The following CLYBL variants were observed in gnomAD, a reference collection of about 807,000 sequenced individuals.
CLYBL encodes citramalyl-CoA lyase.
Under a neutral mutation model 38.9 loss-of-function variants are expected in CLYBL, and 31 were observed. That is an observed-to-expected ratio of 0.80 (90% CI 0.60 to 1.08). The LOEUF is 1.08. CLYBL is among the 50% of genes least tolerant of loss of function. The pLI is 0.00. For missense variants in CLYBL, 434 were observed against 411.6 expected (o/e 1.05, Z -0.47); for synonymous variants, 171 against 158.6 (o/e 1.08, Z -0.59).
At chr13:99,607,585 G>T (rs1187161282) in intron 1 of CLYBL, among the ~76,000 whole-genome samples, 1 of 152,094 alleles carries the variant, frequency 6.6e-6, no homozygotes, top group Non-Finnish European at 1.5e-5. Flanking sequence ...GGTCTCATTT[G>T]GTTCCCTTGA....
At chr13:99,608,294 A>G (rs1171394295) in intron 1 of CLYBL, among the ~76,000 whole-genome samples, 3 of 151,550 alleles carry the variant, frequency 2.0e-5, no homozygotes, top group African/African-American at 7.3e-5. Flanking sequence ...GCTGGTCTGG[A>G]GCTCCTGACC....
intron 2 of CLYBL, among the ~76,000 whole-genome samples, chr13:99,808,893 A>G (rs2050284553): frequency 6.6e-6 from 1 of 152,218 alleles, no homozygotes; most frequent in African/African-American, 2.4e-5. Context: ...CCTATTCTAA[A>G]GTACAGTTGC....
rs1566340104 is a variant in CLYBL, at chr13:99,819,438, ATATATATATATATATATATATATATATAT to A, written c.250-39422_250-39394del. On this transcript the variant is annotated intron_variant, in intron 2 of 8. Transcript: ENST00000339105. ...AATTTATATATATATATATATATAT[ATATATATATATATATATATATATATATAT>A]AATATTTGTCAGGGTTGTCTGGGGG... Among the ~76,000 whole-genome samples, 170 of 104,950 alleles carry A rather than the reference ATATATATATATATATATATATATATATAT, an allele frequency of 1.6e-3. 5 individuals are homozygous for A. Among genetic ancestry groups the A allele is most frequent in the African/African-American group, 5.8e-3 (161 of 27,734 alleles). The allele number at this position is 104,950 out of a possible 152,430, so 68.9% of individuals were successfully genotyped here. A position where few individuals can be genotyped will look rare whatever the true frequency, so the allele number is the denominator to read the frequency against.
chr13:99,889,821 G>A (rs1379699996), intron 7 of CLYBL, among the ~76,000 whole-genome samples: 1 of 152,084 alleles, frequency 6.6e-6, no homozygotes, highest in Non-Finnish European at 1.5e-5. Context: ...CTCCTGTCCC[G>A]GCAGCCCTGA....
chr13:99,630,742 T>C (rs764814404), intron 1 of CLYBL, among the ~76,000 whole-genome samples: 1 of 152,206 alleles, frequency 6.6e-6, no homozygotes, highest in Non-Finnish European at 1.5e-5. Flanking sequence ...ATCCTGTTCT[T>C]ATTCTTGGAG....
chr13:99,624,723 A>G (rs2046845025), intron 1 of CLYBL, among the ~76,000 whole-genome samples: 1 of 152,118 alleles, frequency 6.6e-6, no homozygotes, highest in South Asian at 2.1e-4. Context: ...CATGTGGCCT[A>G]AAGATCCTCC....
At chr13:99,799,950 C>T (rs1477491195) in intron 2 of CLYBL, among the ~76,000 whole-genome samples, 5 of 152,210 alleles carry the variant, frequency 3.3e-5, no homozygotes, top group African/African-American at 9.6e-5. Context: ...CCATTCAGAG[C>T]GTGGCCTTCC....
chr13:99,757,563 C>A (rs1325646736), intron 1 of CLYBL, among the ~76,000 whole-genome samples: 1 of 152,158 alleles, frequency 6.6e-6, no homozygotes, highest in African/African-American at 2.4e-5. Context: ...TCAAGTGATT[C>A]TCCTGCCTTG....
At chr13:99,848,707 C>T (rs1376670333) in intron 2 of CLYBL, among the ~76,000 whole-genome samples, 1 of 152,210 alleles carries the variant, frequency 6.6e-6, no homozygotes, top group Non-Finnish European at 1.5e-5. Context: ...CCCTGTGCCC[C>T]TTGCTGCCCT....
At chr13:99,826,879 G>A (rs547365663) in intron 2 of CLYBL, among the ~76,000 whole-genome samples, 15 of 152,226 alleles carry the variant, frequency 9.9e-5, no homozygotes, top group East Asian at 3.9e-4. Flanking sequence ...GAGTTGTCTC[G>A]GGGCCCGAGG....
chr13:99,788,450 G>C (rs1029150675), intron 2 of CLYBL, among the ~76,000 whole-genome samples: 10 of 152,168 alleles, frequency 6.6e-5, no homozygotes, highest in African/African-American at 2.4e-4. Context: ...TGCATCTATT[G>C]AGATAATCAT....
At chr13:99,791,448 C>T (rs1156985005) in intron 2 of CLYBL, among the ~76,000 whole-genome samples, 1 of 151,962 alleles carries the variant, frequency 6.6e-6, no homozygotes, top group African/African-American at 2.4e-5. Flanking sequence ...TAGTATGTCC[C>T]TTAAGGTATC....
At chr13:99,670,091 C>G (rs2047542842) in intron 1 of CLYBL, among the ~76,000 whole-genome samples, 1 of 151,774 alleles carries the variant, frequency 6.6e-6, no homozygotes, top group East Asian at 1.9e-4. Context: ...CCCAGCTACT[C>G]AAGAGGCTGA....
intron 1 of CLYBL, among the ~76,000 whole-genome samples, chr13:99,612,673 C>A (rs1304150474): frequency 6.6e-6 from 1 of 152,046 alleles, no homozygotes; most frequent in African/African-American, 2.4e-5. Flanking sequence ...TGGATGTGAG[C>A]CGCCACACCC....
chr13:99,748,446 T>TGG (rs1566310967), intron 1 of CLYBL, among the ~76,000 whole-genome samples: 4 of 134,894 alleles, frequency 3.0e-5, no homozygotes, highest in East Asian at 2.2e-4. Flanking sequence ...TTTTTTTTTT[T>TGG]TTTTTTTTTT....
At chr13:99,690,699 G>T (rs1264980732) in intron 1 of CLYBL, 1 of 152,154 alleles carries the variant, frequency 6.6e-6, no homozygotes, top group Non-Finnish European at 1.5e-5. Context: ...TCTTTTGAAA[G>T]AATTAATATC....
intron 2 of CLYBL, among the ~76,000 whole-genome samples, chr13:99,776,720 G>A (rs932248168): frequency 6.4e-4 from 97 of 152,192 alleles, no homozygotes; most frequent in African/African-American, 2.2e-3. Context: ...GCACAAGCAT[G>A]CCGCTAAAAA....
At chr13:99,654,866 A>G (rs570439153) in intron 1 of CLYBL, among the ~76,000 whole-genome samples, 4 of 151,884 alleles carry the variant, frequency 2.6e-5, no homozygotes, top group East Asian at 2.0e-4. Context: ...TTAGCTGGGC[A>G]TGGTGGCGGG....
chr13:99,735,374 T>C (rs1442708071), intron 1 of CLYBL, among the ~76,000 whole-genome samples: 1 of 152,104 alleles, frequency 6.6e-6, no homozygotes, highest in East Asian at 1.9e-4. Flanking sequence ...TTAAATTTTT[T>C]TGTAGAGATG....
Sources: allele counts gnomAD v4.1 joint callset (sites outside exome capture counted in the v4.1 genomes callset), GRCh38; gene constraint gnomAD v4.1.1; transcripts MANE v1.5; gene names NCBI Gene and HGNC (gene_info 2026-07-23, HGNC 2026-07-21).